NCALD: variants seen among roughly 807,000 people sequenced by gnomAD.
The protein encoded by NCALD is neurocalcin delta, also known as neurocalcin-delta.
NCALD carries 10 observed loss-of-function variants against 18.6 expected under a neutral mutation model. That is an observed-to-expected ratio of 0.54 (90% CI 0.33 to 0.91). NCALD has a LOEUF of 0.91. NCALD is among the 40% of genes least tolerant of loss of function. The pLI is 0.03. For synonymous variants in NCALD, 88 were observed against 87.4 expected, an observed-to-expected ratio of 1.01 and a Z score of -0.04; for missense variants, 184 against 247.6, an observed-to-expected ratio of 0.74 and a Z score of 1.72.
In NCALD at chr8:101,688,924, T is replaced by C; in HGVS notation, c.*385A>G. On this transcript the variant is annotated 3_prime_UTR_variant, in exon 4 of 4. Transcript: ENST00000220931. ...GACAACAGATTCAGGTGGGGAGTTTTGTCTTTCAAACAAAAGCCCCTTGAA... is the reference window on the plus strand; with the variant it reads ...GACAACAGATTCAGGTGGGGAGTTTCGTCTTTCAAACAAAAGCCCCTTGAA... 1.6e-6 allele frequency: 1 copy of C among 627,326 alleles called. No individual in the cohort carries two copies. The highest frequency in any genetic ancestry group is 2.7e-5 in the East Asian group (1 of 36,720). 38.9% of individuals were successfully genotyped at this position (627,326 alleles called of 1,614,324 possible). A position where few individuals can be genotyped will look rare whatever the true frequency, so the allele number is the denominator to read the frequency against.
chr8:102,043,240 T>C (rs1823114995), intron 1 of NCALD, among the ~76,000 whole-genome samples: 1 of 152,126 alleles, frequency 6.6e-6, no homozygotes, highest in African/African-American at 2.4e-5. Flanking sequence ...CCATTTCCAT[T>C]TGAGGATGAT....
At chr8:101,737,372 G>A (rs748137458) in intron 1 of NCALD, among the ~76,000 whole-genome samples, 1 of 152,186 alleles carries the variant, frequency 6.6e-6, no homozygotes, top group Non-Finnish European at 1.5e-5. Context: ...TCTCCCATCT[G>A]AACTCAAAAA....
At chr8:102,052,706 C>T (rs1290794929) in intron 1 of NCALD, among the ~76,000 whole-genome samples, 2 of 152,164 alleles carry the variant, frequency 1.3e-5, no homozygotes, top group Non-Finnish European at 2.9e-5. Flanking sequence ...CAACTTTTCC[C>T]GTAAAGGCCA....
chr8:102,050,132 G>A (rs60859760), intron 1 of NCALD, among the ~76,000 whole-genome samples: 2 of 120,716 alleles, frequency 1.7e-5, no homozygotes, highest in East Asian at 2.5e-4. Flanking sequence ...ACTGCAGTCC[G>A]CAGTCCGGCC....
At chr8:101,981,777 G>A (rs142287803) in intron 2 of NCALD, among the ~76,000 whole-genome samples, 1 of 152,274 alleles carries the variant, frequency 6.6e-6, no homozygotes, top group Admixed American at 6.5e-5. Context: ...ACAGTCTTCA[G>A]TGTATATGAA....
At chr8:101,858,952 T>G (rs1815430276) in intron 4 of NCALD, among the ~76,000 whole-genome samples, 1 of 152,154 alleles carries the variant, frequency 6.6e-6, no homozygotes, top group Admixed American at 6.5e-5. Flanking sequence ...TCAACAATTG[T>G]GATGGTTAAT....
chr8:102,001,631 G>A (rs1821472329), intron 2 of NCALD, among the ~76,000 whole-genome samples: 1 of 152,174 alleles, frequency 6.6e-6, no homozygotes, highest in South Asian at 2.1e-4. Context: ...AGAGAAAAAG[G>A]TCGGGTTACC....
At chr8:101,831,406 C>A (rs1037138018) in intron 4 of NCALD, among the ~76,000 whole-genome samples, 3 of 152,186 alleles carry the variant, frequency 2.0e-5, no homozygotes, top group Admixed American at 2.0e-4. Flanking sequence ...CATTACCTTG[C>A]ATGTACCCAC....
At chr8:101,818,957 T>C (rs376717394) in intron 4 of NCALD, among the ~76,000 whole-genome samples, 10 of 152,166 alleles carry the variant, frequency 6.6e-5, no homozygotes, top group Non-Finnish European at 1.3e-4. Context: ...TGAGGAGAGA[T>C]TGTGCCACTG....
upstream of NCALD, among the ~76,000 whole-genome samples, chr8:101,791,580 C>T (rs1747363099): frequency 6.6e-6 from 1 of 152,056 alleles, no homozygotes; most frequent in Non-Finnish European, 1.5e-5. Context: ...GACTCAGAGA[C>T]AGGTAAGACA....
chr8:101,744,957 G>T (rs905606531), intron 1 of NCALD, among the ~76,000 whole-genome samples: 1 of 148,814 alleles, frequency 6.7e-6, no homozygotes, highest in Non-Finnish European at 1.5e-5. Context: ...AGGAAAGACT[G>T]CTGGTGCCTT....
chr8:101,757,489 A>G (rs532531817), intron 1 of NCALD, among the ~76,000 whole-genome samples: 1 of 152,170 alleles, frequency 6.6e-6, no homozygotes, highest in African/African-American at 2.4e-5. Flanking sequence ...ACTTTCCCCA[A>G]TGAATAAGAA....
At chr8:102,107,195 CATATAT>C (rs67447416) in intron 1 of NCALD, among the ~76,000 whole-genome samples, 2,184 of 89,208 alleles carry the variant, frequency 0.024, 38 homozygotes, top group East Asian at 0.041. Context: ...TATGTGTGTA[CATATAT>C]ATATATATAT....
chr8:101,783,838 G>T (rs988974209), intron 1 of NCALD, among the ~76,000 whole-genome samples: 4 of 152,174 alleles, frequency 2.6e-5, no homozygotes, highest in African/African-American at 9.7e-5. Flanking sequence ...ATTTCCAAAA[G>T]CTCATTTGTA....
At chr8:101,892,648 C>T (rs1207127816) in intron 3 of NCALD, among the ~76,000 whole-genome samples, 1 of 149,682 alleles carries the variant, frequency 6.7e-6, no homozygotes, top group East Asian at 1.9e-4. Flanking sequence ...CTAGAATAAC[C>T]AATACAGAGA....
At chr8:101,784,883 T>C (rs1812161323) in intron 1 of NCALD, among the ~76,000 whole-genome samples, 2 of 152,210 alleles carry the variant, frequency 1.3e-5, no homozygotes, top group Non-Finnish European at 2.9e-5. Context: ...TAACATTAAT[T>C]CTGGGGAAAA....
intron 4 of NCALD, among the ~76,000 whole-genome samples, chr8:101,842,257 G>A (rs556730225): frequency 1.9e-4 from 29 of 152,270 alleles, no homozygotes; most frequent in Admixed American, 3.3e-4. Flanking sequence ...GTCACATGCT[G>A]AGGCTTTGGA....
intron 1 of NCALD, among the ~76,000 whole-genome samples, chr8:101,764,025 G>C (rs953799160): frequency 2.9e-5 from 4 of 137,944 alleles, no homozygotes; most frequent in African/African-American, 5.5e-5. Flanking sequence ...CCCCCTATTG[G>C]TCTGTCTCTC....
At chr8:101,804,708 T>G (rs1813033893) in intron 4 of NCALD, among the ~76,000 whole-genome samples, 1 of 145,332 alleles carries the variant, frequency 6.9e-6, no homozygotes, top group Non-Finnish European at 1.5e-5. Flanking sequence ...TATATATAAA[T>G]AATTATAATA....
Sources: allele counts gnomAD v4.1 joint callset (sites outside exome capture counted in the v4.1 genomes callset), GRCh38; gene constraint gnomAD v4.1.1; transcripts MANE v1.5; gene names NCBI Gene and HGNC (gene_info 2026-07-23, HGNC 2026-07-21).